SLC4A4: variants seen among roughly 807,000 people sequenced by gnomAD.
SLC4A4 encodes electrogenic sodium bicarbonate cotransporter 1.
SLC4A4 carries 27 observed loss-of-function variants against 111.5 expected under a neutral mutation model. The observed-to-expected ratio is 0.24, with a 90% CI of 0.18 to 0.33. The LOEUF (loss-of-function observed/expected upper bound fraction) is 0.33, where lower values mean the gene tolerates loss of function less well. SLC4A4 is among the 10% of genes least tolerant of loss of function. The pLI is 1.00. For synonymous variants in SLC4A4, 443 were observed against 463.4 expected (o/e 0.96, Z 0.57); for missense variants, 909 against 1,315.5 (o/e 0.69, Z 4.78).
chr4:71,536,475 T>TAC (rs1734476580), intron 18 of SLC4A4, among the ~76,000 whole-genome samples: 1 of 91,930 alleles, frequency 1.1e-5, no homozygotes, highest in African/African-American at 3.7e-5. Context: ...CATATATATA[T>TAC]ATATATATAT....
intron 15 of SLC4A4, among the ~76,000 whole-genome samples, chr4:71,493,955 T>A (rs1730173754): frequency 6.6e-6 from 1 of 152,106 alleles, no homozygotes; most frequent in Admixed American, 6.6e-5. Context: ...CCCATCACTC[T>A]GATGACTTTT....
rs935393530 is a variant in SLC4A4, at chr4:71,158,135, GTGTGTGTC to G, written c.-2+65345_-2+65352del. The stretch of plus-strand genomic sequence containing the variant: ...TGTGTGTGTGTGTGTGTGTGTGTGT[GTGTGTGTC>G]TCTCTCTCTCTCTCTCTTTCTCTCT... On this transcript the variant is annotated intron_variant, in intron 2 of 26. Coordinates refer to the SLC4A4 transcript ENST00000649996. Among the ~76,000 whole-genome samples the G allele has an allele frequency of 2.3e-4, 34 of 148,590 alleles. No individual in the cohort carries two copies. The East Asian group carries it at 2.6e-3, about 11-fold the overall frequency.
intron 3 of SLC4A4, among the ~76,000 whole-genome samples, chr4:71,281,267 G>T (rs1285126657): frequency 6.6e-6 from 1 of 152,176 alleles, no homozygotes; most frequent in African/African-American, 2.4e-5. Flanking sequence ...CTCTGCTTAA[G>T]GGCTGCAAAT....
intron 1 of SLC4A4, among the ~76,000 whole-genome samples, chr4:71,215,031 A>G (rs910817345): frequency 3.3e-5 from 5 of 152,246 alleles, no homozygotes; most frequent in East Asian, 1.9e-4. Context: ...CAGAGTCAAT[A>G]TGTTACTTAT....
In SLC4A4 at chr4:71,444,968, A is replaced by C. The variant is rs1577920904; in HGVS notation, c.966-2678A>C. 4.6e-5 allele frequency among the ~76,000 whole-genome samples: 7 copies of C among 152,302 alleles called. No individual in the cohort carries two copies. In the South Asian group the frequency reaches 1.4e-3, roughly 32 times the overall value. ...TGTGAAAATTTTAACTGGTATGTCC[A>C]CCATGTTGGTTTGGCCCTTGGTGTT... On this transcript the variant is annotated intron_variant, in intron 8 of 25. Transcript: ENST00000264485.
intron 16 of SLC4A4, among the ~76,000 whole-genome samples, chr4:71,530,503 C>G (rs568778329): frequency 6.6e-6 from 1 of 152,204 alleles, no homozygotes; most frequent in African/African-American, 2.4e-5. Context: ...CAAATTGATT[C>G]CTGCCATCTA....
At chr4:71,442,237 C>G (rs1198667669) in intron 8 of SLC4A4, among the ~76,000 whole-genome samples, 2 of 151,990 alleles carry the variant, frequency 1.3e-5, no homozygotes, top group Non-Finnish European at 2.9e-5. Flanking sequence ...TTTTTGTGTC[C>G]TGCTTATCAT....
At chr4:71,519,303 C>T (rs1434640011) in intron 16 of SLC4A4, among the ~76,000 whole-genome samples, 2 of 152,186 alleles carry the variant, frequency 1.3e-5, no homozygotes, top group East Asian at 1.9e-4. Context: ...GATAACTCTT[C>T]AGACTTAAAG....
chr4:71,156,580 G>A (rs1744474820), intron 2 of SLC4A4, among the ~76,000 whole-genome samples: 2 of 102,540 alleles, frequency 2.0e-5, no homozygotes, highest in African/African-American at 4.4e-5. Context: ...GCATGCGCGC[G>A]CGCGCGCGCA....
intron 3 of SLC4A4, among the ~76,000 whole-genome samples, chr4:71,333,328 T>G (rs1440593024): frequency 6.6e-6 from 1 of 152,204 alleles, no homozygotes; most frequent in Non-Finnish European, 1.5e-5. Context: ...TCTGAGAGAA[T>G]TCCCTGGATT....
intron 16 of SLC4A4, among the ~76,000 whole-genome samples, chr4:71,522,408 G>C (rs1726117695): frequency 6.6e-6 from 1 of 152,194 alleles, no homozygotes; most frequent in Non-Finnish European, 1.5e-5. Context: ...ATGTGCCTAT[G>C]TGGTGGCAAA....
At chr4:71,337,798 T>G (rs201787080) in intron 3 of SLC4A4, among the ~76,000 whole-genome samples, 1 of 61,316 alleles carries the variant, frequency 1.6e-5, no homozygotes, top group Non-Finnish European at 4.7e-5. Context: ...GGGATTATCA[T>G]TTTTTTTTTT....
intron 1 of SLC4A4, among the ~76,000 whole-genome samples, chr4:71,085,814 G>C (rs1210135046): frequency 6.6e-6 from 1 of 152,000 alleles, no homozygotes; most frequent in Admixed American, 6.6e-5. Flanking sequence ...TAGCCTTGTA[G>C]TATAGTTCAA....
At chr4:71,344,544 T>C (rs780842054) in intron 4 of SLC4A4, among the ~76,000 whole-genome samples, 2 of 152,190 alleles carry the variant, frequency 1.3e-5, no homozygotes, top group African/African-American at 2.4e-5. Context: ...AACTTATAAA[T>C]TGATAATATT....
intron 3 of SLC4A4, among the ~76,000 whole-genome samples, chr4:71,265,128 A>T (rs1024005095): frequency 1.1e-4 from 16 of 152,232 alleles, no homozygotes; most frequent in Non-Finnish European, 1.6e-4. Flanking sequence ...TAGTAAAAAC[A>T]TCTAAGCAGT....
intron 7 of SLC4A4, among the ~76,000 whole-genome samples, chr4:71,439,730 C>A (rs1685890255): frequency 1.3e-5 from 2 of 151,830 alleles, no homozygotes; most frequent in Admixed American, 1.3e-4. Flanking sequence ...ACACTCACAG[C>A]CAGGATTGTG....
intron 2 of SLC4A4, among the ~76,000 whole-genome samples, chr4:71,165,492 G>A (rs908318932): frequency 2.0e-5 from 3 of 152,078 alleles, no homozygotes; most frequent in Admixed American, 1.3e-4. Context: ...TCATAAGTGG[G>A]AGTTGAACAA....
chr4:71,093,031 G>T lies in SLC4A4; in HGVS notation c.-2+239G>T, dbSNP rs185412592. Among the ~76,000 whole-genome samples, 1,284 of 149,624 alleles carry T rather than the reference G, an allele frequency of 8.6e-3. 5 individuals are homozygous for T. Among genetic ancestry groups the T allele is most frequent in the Non-Finnish European group, 0.013 (886 of 67,704 alleles). On this transcript the variant is annotated intron_variant, in intron 2 of 26. Coordinates refer to the SLC4A4 transcript ENST00000649996. The stretch of plus-strand genomic sequence containing the variant: ...AATCACTTGAACTCAGGAGGCGGAG[G>T]TTGCAGTGAACCGAGATCACGCCAC...
intron 20 of SLC4A4, among the ~76,000 whole-genome samples, chr4:71,552,670 T>C (rs899032176): frequency 5.3e-5 from 8 of 151,848 alleles, no homozygotes; most frequent in Non-Finnish European, 1.2e-4. Flanking sequence ...CTTGATTTCA[T>C]GTATGGTAAT....
Sources: allele counts gnomAD v4.1 joint callset (sites outside exome capture counted in the v4.1 genomes callset), GRCh38; gene constraint gnomAD v4.1.1; transcripts MANE v1.5; gene names NCBI Gene and HGNC (gene_info 2026-07-23, HGNC 2026-07-21).